Variants in GABRB3 observed in about 807,000 individuals in gnomAD.
GABRB3 encodes gamma-aminobutyric acid type A receptor subunit beta3.
Under a neutral mutation model 52.1 loss-of-function variants are expected in GABRB3, and 14 were observed. The ratio of observed to expected loss-of-function variants is 0.27; its 90% CI spans 0.18 to 0.42. The LOEUF is 0.42. Ranked by LOEUF, GABRB3 falls within the 10% of genes least tolerant of loss-of-function variation. GABRB3 has a pLI of 1.00. For missense variants in GABRB3, 307 were observed against 609.1 expected (o/e 0.50, Z 5.22); for synonymous variants, 260 against 232.3 (o/e 1.12, Z -1.08).
At chr15:26,580,657 G>C in intron 5 of GABRB3, 3 of 730,208 alleles carry the variant, frequency 4.1e-6, no homozygotes, top group Non-Finnish European at 6.9e-6. Context: ...TTTGTACCAG[G>C]TTGGTACTGA....
intron 4 of GABRB3, among the ~76,000 whole-genome samples, chr15:26,600,035 A>G (rs1891531120): frequency 6.6e-6 from 1 of 152,118 alleles, no homozygotes; most frequent in South Asian, 2.1e-4. Context: ...ACAAAGAAAT[A>G]GAATGAATAG....
intron 3 of GABRB3, among the ~76,000 whole-genome samples, chr15:26,760,828 AG>A (rs1465926145): frequency 4.1e-4 from 12 of 29,004 alleles, no homozygotes; most frequent in East Asian, 3.5e-3. Flanking sequence ...CACACACACA[AG>A]CAAACAAACA....
chr15:26,758,644 C>T (rs1044739607), intron 3 of GABRB3, among the ~76,000 whole-genome samples: 1 of 152,124 alleles, frequency 6.6e-6, no homozygotes, highest in Non-Finnish European at 1.5e-5. Context: ...ACGATCTATA[C>T]CCACCCACCA....
intron 3 of GABRB3, among the ~76,000 whole-genome samples, chr15:26,641,331 G>A (rs921559861): frequency 6.6e-6 from 1 of 152,230 alleles, no homozygotes; most frequent in Non-Finnish European, 1.5e-5. Flanking sequence ...GGGAGACTCT[G>A]CAGAGAAGGC....
At chr15:26,586,107 T>C (rs1890973871) in intron 4 of GABRB3, among the ~76,000 whole-genome samples, 1 of 152,060 alleles carries the variant, frequency 6.6e-6, no homozygotes, top group Non-Finnish European at 1.5e-5. Context: ...CACACCATTC[T>C]CCTGCCTCAG....
At chr15:26,640,794 C>T (rs1464757429) in intron 3 of GABRB3, among the ~76,000 whole-genome samples, 1 of 152,218 alleles carries the variant, frequency 6.6e-6, no homozygotes, top group Non-Finnish European at 1.5e-5. Context: ...TAGAGATACA[C>T]TGTCCAAACC....
In GABRB3 at chr15:26,769,109, A is replaced by G. The variant is rs1891074548; in HGVS notation, c.240+3293T>C. 2.6e-5 allele frequency among the ~76,000 whole-genome samples: 4 copies of G among 152,356 alleles called. No homozygotes were observed. In the South Asian group the frequency reaches 8.3e-4, roughly 32 times the overall value. ...ATTGTTTAAAGCAAAAAGCAACAAC[A>G]GCATCATTGTTGTGTATTATCTGTT... is the stretch of plus-strand genomic sequence containing the variant. On this transcript the variant is annotated intron_variant, in intron 3 of 8. Coordinates refer to ENST00000311550, the MANE Select transcript of GABRB3 (RefSeq NM_000814.6).
chr15:26,701,873 T>C (rs1595538823), intron 3 of GABRB3, among the ~76,000 whole-genome samples: 1 of 152,226 alleles, frequency 6.6e-6, no homozygotes, highest in East Asian at 1.9e-4. Flanking sequence ...GGTATTGGTA[T>C]AACTATACAT....
At chr15:26,702,155 G>A (rs879415527) in intron 3 of GABRB3, among the ~76,000 whole-genome samples, 1 of 152,086 alleles carries the variant, frequency 6.6e-6, no homozygotes, top group Non-Finnish European at 1.5e-5. Flanking sequence ...ATAAACACAG[G>A]AGGAAACCTT....
chr15:26,773,355 G>A (rs1472797293), upstream of GABRB3, among the ~76,000 whole-genome samples: 1 of 150,906 alleles, frequency 6.6e-6, no homozygotes, highest in Non-Finnish European at 1.5e-5. Flanking sequence ...GCTGCGAGCG[G>A]AGCCGCGGCT....
chr15:26,662,118 T>G lies in GABRB3; in HGVS notation c.241-40584A>C, dbSNP rs188346516. ...TTGAATGAACGGAGGCTTTGGAACC[T>G]GTGCAGTGCATACAAAGGAAGTATG... On this transcript the variant is annotated intron_variant, in intron 3 of 8. Transcript: ENST00000311550. 4.7e-3 allele frequency among the ~76,000 whole-genome samples: 719 copies of G among 152,326 alleles called. 2 individuals carry two copies. The highest frequency in any genetic ancestry group is 0.016 in the African/African-American group (677 of 41,572).
chr15:26,588,838 C>T (rs1034828643), intron 4 of GABRB3, among the ~76,000 whole-genome samples: 1 of 152,192 alleles, frequency 6.6e-6, no homozygotes, highest in Non-Finnish European at 1.5e-5. Flanking sequence ...GCTTCCCACC[C>T]ATTGTGGAAT....
chr15:26,741,042 ATAAG>A (rs1361320803), intron 3 of GABRB3, among the ~76,000 whole-genome samples: 8,114 of 138,256 alleles, frequency 0.059, 230 homozygotes, highest in African/African-American at 0.062. Flanking sequence ...CGAGGGAGGA[ATAAG>A]TGTGTGTGTG....
At chr15:26,564,471 G>C (rs943080304) in intron 7 of GABRB3, among the ~76,000 whole-genome samples, 1 of 152,190 alleles carries the variant, frequency 6.6e-6, no homozygotes, top group Non-Finnish European at 1.5e-5. Flanking sequence ...AGTCCCTCCC[G>C]CGTTGAGTCC....
At chr15:26,711,213 AG>A (rs1889283225) in intron 3 of GABRB3, among the ~76,000 whole-genome samples, 1 of 152,214 alleles carries the variant, frequency 6.6e-6, no homozygotes, top group Non-Finnish European at 1.5e-5. Context: ...TTTACTTTAA[AG>A]ATGTTTTTGA....
chr15:26,751,516 A>C (rs1595345330), intron 3 of GABRB3, among the ~76,000 whole-genome samples: 1 of 152,268 alleles, frequency 6.6e-6, no homozygotes, highest in Middle Eastern at 3.4e-3. Context: ...TCTGAAAGTA[A>C]CCACCTCCAC....
intron 3 of GABRB3, among the ~76,000 whole-genome samples, chr15:26,676,314 T>C (rs1287483735): frequency 6.6e-6 from 1 of 152,138 alleles, no homozygotes; most frequent in East Asian, 1.9e-4. Flanking sequence ...CATTTCTGAC[T>C]GTGGTCCTGC....
At chr15:26,592,370 GT>G (rs1648569209) in intron 4 of GABRB3, among the ~76,000 whole-genome samples, 1 of 152,186 alleles carries the variant, frequency 6.6e-6, no homozygotes, top group African/African-American at 2.4e-5. Context: ...AAGTCACTTT[GT>G]TTCTATGAAT....
chr15:26,701,656 C>A (rs1175152443), intron 3 of GABRB3, among the ~76,000 whole-genome samples: 1 of 152,134 alleles, frequency 6.6e-6, no homozygotes, highest in East Asian at 1.9e-4. Context: ...TGTCAATTCT[C>A]CCCCAAGTTA....
Sources: allele counts gnomAD v4.1 joint callset (sites outside exome capture counted in the v4.1 genomes callset), GRCh38; gene constraint gnomAD v4.1.1; transcripts MANE v1.5; gene names NCBI Gene and HGNC (gene_info 2026-07-23, HGNC 2026-07-21).